DGKI: variants seen among roughly 807,000 people sequenced by gnomAD.
The protein encoded by DGKI is DAG kinase iota.
DGKI carries 55 observed loss-of-function variants against 147.5 expected under a neutral mutation model. The ratio of observed to expected loss-of-function variants is 0.37; its 90% CI spans 0.30 to 0.47. DGKI has a LOEUF of 0.47. DGKI is among the 20% of genes least tolerant of loss of function. The probability of loss-of-function intolerance (pLI) is 1.00; values close to 1 mark genes in which losing one functional copy is unlikely to be tolerated. For synonymous variants in DGKI, 469 were observed against 477.1 expected, an observed-to-expected ratio of 0.98 and a Z score of 0.22; for missense variants, 1,007 against 1,323.8, an observed-to-expected ratio of 0.76 and a Z score of 3.71.
chr7:137,619,790 A>G, intron 8 of DGKI, 34 bp downstream of exon 8: 1 of 1,535,052 alleles, frequency 6.5e-7, no homozygotes, highest in Non-Finnish European at 9.0e-7. Flanking sequence ...TTTTCTCTGC[A>G]CTGGCCCAGC....
At chr7:137,594,135 C>T (rs1819710069) in intron 12 of DGKI, among the ~76,000 whole-genome samples, 1 of 152,232 alleles carries the variant, frequency 6.6e-6, no homozygotes, top group African/African-American at 2.4e-5. Context: ...CCACCTCCAC[C>T]TTCTGGGTTC....
intron 30 of DGKI, among the ~76,000 whole-genome samples, chr7:137,404,366 C>G (rs938440873): frequency 6.6e-6 from 1 of 152,106 alleles, no homozygotes; most frequent in South Asian, 2.1e-4. Context: ...AGATAGACAT[C>G]AAAAATGAAA....
intron 5 of DGKI, among the ~76,000 whole-genome samples, chr7:137,653,637 C>T (rs1172450234): frequency 1.3e-5 from 2 of 152,170 alleles, no homozygotes; most frequent in East Asian, 3.8e-4. Context: ...AGCTTAATTG[C>T]CGCCTCTTCC....
In DGKI at chr7:137,767,597, G is replaced by C. The variant is rs187718739; in HGVS notation, c.402-77595C>G. ...AGGAGAAGGAGAAGAGAAGAGAAGA[G>C]AAGGAGAAGAGATAATAATATACAT... On this transcript the variant is annotated intron_variant, in intron 1 of 32. Transcript: ENST00000614521. 4.0e-3 allele frequency among the ~76,000 whole-genome samples: 578 copies of C among 144,770 alleles called. 9 individuals carry two copies. The highest frequency in any genetic ancestry group is 0.016 in the African/African-American group (551 of 34,662). 95.0% of individuals were successfully genotyped at this position (144,770 alleles called of 152,430 possible).
intron 1 of DGKI, among the ~76,000 whole-genome samples, chr7:137,741,634 A>G (rs1795175773): frequency 6.6e-6 from 1 of 152,216 alleles, no homozygotes; most frequent in South Asian, 2.1e-4. Context: ...CAGGTGCTGA[A>G]TCTGCACAGA....
chr7:137,707,420 T>C (rs955149180), intron 1 of DGKI, among the ~76,000 whole-genome samples: 2 of 152,242 alleles, frequency 1.3e-5, no homozygotes, highest in African/African-American at 4.8e-5. Flanking sequence ...GCACTGACCA[T>C]TGATATGTCT....
At chr7:137,778,984 GAAAATA>G (rs1334557048) in intron 1 of DGKI, among the ~76,000 whole-genome samples, 2 of 152,068 alleles carry the variant, frequency 1.3e-5, no homozygotes, top group African/African-American at 4.8e-5. Flanking sequence ...CAGGTCTTCT[GAAAATA>G]AAAATTGACA....
intron 23 of DGKI, among the ~76,000 whole-genome samples, chr7:137,473,932 C>T (rs1387734115): frequency 6.6e-6 from 1 of 152,152 alleles, no homozygotes; most frequent in Non-Finnish European, 1.5e-5. Context: ...TTCCTGGTGA[C>T]CTGACAATTA....
intron 1 of DGKI, among the ~76,000 whole-genome samples, chr7:137,828,860 T>A (rs1798139740): frequency 6.6e-6 from 1 of 152,146 alleles, no homozygotes; most frequent in South Asian, 2.1e-4. Context: ...TTTAACATGA[T>A]GGGAACTGAT....
intron 19 of DGKI, among the ~76,000 whole-genome samples, chr7:137,562,056 C>T (rs966305302): frequency 9.2e-5 from 14 of 152,068 alleles, no homozygotes; most frequent in Admixed American, 8.5e-4. Context: ...AAAAATGACG[C>T]CAGATGGAAA....
chr7:137,455,244 C>T (rs2128922278), intron 27 of DGKI, among the ~76,000 whole-genome samples: 1 of 152,166 alleles, frequency 6.6e-6, no homozygotes, highest in South Asian at 2.1e-4. Flanking sequence ...GGAACAGAAT[C>T]TAAACATTGT....
intron 21 of DGKI, among the ~76,000 whole-genome samples, chr7:137,517,279 A>AAAAG (rs3051933): frequency 0.2 from 16,011 of 78,832 alleles, 1,925 homozygotes; most frequent in East Asian, 0.24. Context: ...AAAGAAAAGA[A>AAAAG]AAAGAAAGAA....
intron 21 of DGKI, among the ~76,000 whole-genome samples, chr7:137,517,323 GAAAGAAA>G (rs1816803235): frequency 1.0e-5 from 1 of 99,710 alleles, no homozygotes; most frequent in East Asian, 3.1e-4. Context: ...AAGAAAGAAA[GAAAGAAA>G]GAAAGAAAGA....
chr7:137,535,623 C>A (rs907894834), intron 20 of DGKI, among the ~76,000 whole-genome samples: 2 of 152,102 alleles, frequency 1.3e-5, no homozygotes, highest in Non-Finnish European at 2.9e-5. Flanking sequence ...ATATCCGCTG[C>A]ACTTTTGAAG....
chr7:137,641,330 CA>C (rs1821617418), intron 6 of DGKI, among the ~76,000 whole-genome samples: 1 of 152,048 alleles, frequency 6.6e-6, no homozygotes, highest in Non-Finnish European at 1.5e-5. Flanking sequence ...AGGAACTGAA[CA>C]GTATAAAAAA....
chr7:137,629,907 CTT>C (rs963879809), intron 6 of DGKI, among the ~76,000 whole-genome samples: 9 of 152,114 alleles, frequency 5.9e-5, no homozygotes, highest in Non-Finnish European at 1.3e-4. Context: ...ATATTCTAGA[CTT>C]TGCAAAACTA....
At chr7:137,702,897 T>C (rs1824031141) in intron 1 of DGKI, among the ~76,000 whole-genome samples, 1 of 152,118 alleles carries the variant, frequency 6.6e-6, no homozygotes, top group African/African-American at 2.4e-5. Flanking sequence ...TGGCCTAAGA[T>C]GATGATAACA....
intron 20 of DGKI, 43 bp from the exon 21 acceptor site, chr7:137,522,009 G>T (rs373711474): frequency 1.4e-6 from 2 of 1,448,502 alleles, no homozygotes; most frequent in Non-Finnish European, 1.9e-6. Context: ...ATGAGAGAGC[G>T]GAATTGGTAG....
At chr7:137,696,461 T>TTTTTTTTTG (rs1554459920) in intron 1 of DGKI, among the ~76,000 whole-genome samples, 7 of 109,148 alleles carry the variant, frequency 6.4e-5, no homozygotes, top group South Asian at 3.9e-4. Context: ...TTTTTTTTTT[T>TTTTTTTTTG]TTGCTTAATG....
Sources: gnomAD v4.1 joint callset for allele counts (sites outside exome capture counted in the v4.1 genomes callset) on GRCh38, gnomAD v4.1.1 for gene constraint, MANE v1.5 for transcripts, NCBI Gene and HGNC (gene_info 2026-07-23, HGNC 2026-07-21) for gene names.